IL1R2: variants seen among roughly 807,000 people sequenced by gnomAD.
IL1R2 encodes interleukin-1 receptor type 2.
Under a neutral mutation model 39.5 loss-of-function variants are expected in IL1R2, and 46 were observed. The ratio of observed to expected loss-of-function variants is 1.16; its 90% CI spans 0.92 to 1.49. IL1R2 has a LOEUF of 1.49. IL1R2 is among the 40% of genes most tolerant of loss of function. The pLI, the probability that IL1R2 is intolerant of heterozygous loss-of-function variation, is 0.00. For missense variants in IL1R2, 537 were observed against 502.0 expected (o/e 1.07, Z -0.67); for synonymous variants, 207 against 189.6 (o/e 1.09, Z -0.75).
At position 102,028,251 on chromosome 2, in the gene IL1R2, T is replaced by A. The variant is rs1164232625; in HGVS notation, c.1056T>A (p.Ile352=). The A allele has an allele frequency of 6.2e-7, 1 of 1,610,930 alleles. No individual in the cohort carries two copies. Among genetic ancestry groups the A allele is most frequent in the African/African-American group, 1.3e-5 (1 of 74,896 alleles). The change falls in exon 9 of 9, where the codon ATT becomes ATA. Residue 352 remains isoleucine, a synonymous_variant. Coordinates refer to ENST00000332549, the MANE Select transcript of IL1R2 (RefSeq NM_004633.4). ...KEASSTFSWG[I]VLAPLSLAFL... Reference sequence around the variant, plus strand: ...CCTCCTCCACGTTCTCCTGGGGCATTGTGCTGGCCCCACTTTCACTGGCCT... The same window carrying A: ...CCTCCTCCACGTTCTCCTGGGGCATAGTGCTGGCCCCACTTTCACTGGCCT...
intron 4 of IL1R2, among the ~76,000 whole-genome samples, chr2:102,017,539 A>G (rs892731334): frequency 6.6e-6 from 1 of 152,168 alleles, no homozygotes; most frequent in African/African-American, 2.4e-5. Context: ...TATTGTCATT[A>G]GATATTGCTT....
At chr2:102,013,524 CAA>C (rs771727938) in intron 3 of IL1R2, among the ~76,000 whole-genome samples, 11 of 5,694 alleles carry the variant, frequency 1.9e-3, no homozygotes, top group African/African-American at 3.1e-3. Flanking sequence ...TCTATCACTG[CAA>C]AAAAAAAAAA....
chr2:102,028,323 A>G lies in IL1R2; in HGVS notation c.1128A>G (p.Arg376=), dbSNP rs149138742. 6 of 1,611,618 alleles carry G rather than the reference A, an allele frequency of 3.7e-6. No individual in the cohort carries two copies. The African/African-American group carries it at 8.0e-5, about 22-fold the overall frequency. ...GIWMHRRCKH[R]TGKADGLTVL... is the part of the protein sequence containing the mutation. Reference sequence around the variant, plus strand: ...GGATGCACAGACGGTGCAAACACAGAACTGGAAAAGCAGATGGTCTGACTG... The same window carrying G: ...GGATGCACAGACGGTGCAAACACAGGACTGGAAAAGCAGATGGTCTGACTG... Residue 376 remains arginine (R), a synonymous_variant, in exon 9 of 9, where the codon AGA becomes AGG. Coordinates refer to ENST00000332549, the MANE Select transcript of IL1R2 (RefSeq NM_004633.4).
At chr2:102,025,101 C>T (rs1677651155) in intron 7 of IL1R2, among the ~76,000 whole-genome samples, 1 of 152,106 alleles carries the variant, frequency 6.6e-6, no homozygotes, top group South Asian at 2.1e-4. Flanking sequence ...GCCACAATCT[C>T]TAAGGGAGGT....
intron 1 of IL1R2, among the ~76,000 whole-genome samples, chr2:102,003,715 T>G (rs1170707641): frequency 6.6e-6 from 1 of 151,640 alleles, no homozygotes; most frequent in African/African-American, 2.4e-5. Flanking sequence ...TATGTCTGTG[T>G]CTTTGTCCCC....
rs985146318 is a variant in IL1R2, at chr2:102,009,788, C to T, written c.294C>T (p.Ala98=). Residue 98 remains alanine (A), a synonymous_variant, in exon 3 of 9, where the codon GCC becomes GCT. Coordinates refer to ENST00000332549, the MANE Select transcript of IL1R2 (RefSeq NM_004633.4). ...ACGGTGCTCTGTGGCTTCTGCCAGCCTTGCAGGAGGACTCTGGCACCTACG... is the reference window on the plus strand; with the variant it reads ...ACGGTGCTCTGTGGCTTCTGCCAGCTTTGCAGGAGGACTCTGGCACCTACG... ...AQDGALWLLP[A]LQEDSGTYVC... is the part of the protein sequence containing the mutation. 2 of 1,614,224 alleles carry T rather than the reference C, an allele frequency of 1.2e-6. No homozygotes were observed. Among genetic ancestry groups the T allele is most frequent in the African/African-American group, 2.7e-5 (2 of 75,062 alleles).
At position 102,024,003 on chromosome 2, in the gene IL1R2, C is replaced by T. The variant is rs28385686; in HGVS notation, c.752-530C>T. 3.2e-3 allele frequency among the ~76,000 whole-genome samples: 488 copies of T among 151,642 alleles called. 1 individual carries two copies. The highest frequency in any genetic ancestry group is 5.6e-3 in the Non-Finnish European group (378 of 67,930). ...GGCGGAGCTTGCAGTGAGCCGAGATCGCCCCACCGCACTCCAGCCTGGGCG... is the reference window on the plus strand; with the variant it reads ...GGCGGAGCTTGCAGTGAGCCGAGATTGCCCCACCGCACTCCAGCCTGGGCG... On this transcript the variant is annotated intron_variant, in intron 6 of 8. Transcript: ENST00000332549.
intron 5 of IL1R2, among the ~76,000 whole-genome samples, chr2:102,020,783 G>A (rs1198566946): frequency 6.6e-6 from 1 of 152,178 alleles, no homozygotes. Context: ...GCGATACTGT[G>A]CATGAACACT....
intron 8 of IL1R2, 35 bp from the exon 9 acceptor site, chr2:102,028,191 G>A: frequency 6.4e-7 from 1 of 1,570,888 alleles, no homozygotes; most frequent in South Asian, 1.2e-5. Context: ...GTGAGAGACT[G>A]TTCAGCTCCT....
chr2:102,019,376 G>T (rs114044439), intron 4 of IL1R2, among the ~76,000 whole-genome samples: 1 of 152,128 alleles, frequency 6.6e-6, no homozygotes, highest in South Asian at 2.1e-4. Flanking sequence ...AGAAGAGTTC[G>T]TCTCTTTTTT....
intron 4 of IL1R2, 28 bp downstream of exon 4, chr2:102,016,079 T>C: frequency 6.4e-7 from 1 of 1,564,998 alleles, no homozygotes; most frequent in Non-Finnish European, 8.7e-7. Flanking sequence ...GCCATTTTAC[T>C]AAAATGTGTT....
chr2:102,010,314 AAATTAGTCC>A (rs1676543243), intron 3 of IL1R2: 1 of 155,026 alleles, frequency 6.5e-6, no homozygotes, highest in Non-Finnish European at 1.4e-5. Context: ...CCTTAGGATT[AAATTAGTCC>A]AACACTTTGG....
At chr2:102,024,942 G>T (rs918759792) in intron 7 of IL1R2, 9 of 368,384 alleles carry the variant, frequency 2.4e-5, no homozygotes, top group Admixed American at 1.7e-4. Flanking sequence ...TTTTATTTTC[G>T]CAAGTTAAAA....
At chr2:102,019,099 T>A (rs1677192378) in intron 4 of IL1R2, among the ~76,000 whole-genome samples, 1 of 152,234 alleles carries the variant, frequency 6.6e-6, no homozygotes, top group South Asian at 2.1e-4. Context: ...GATTCTATTC[T>A]GCAGAGACCC....
chr2:101,992,296 C>CAGAG (rs1232846809), intron 1 of IL1R2, among the ~76,000 whole-genome samples: 1 of 122,750 alleles, frequency 8.1e-6, no homozygotes, highest in Non-Finnish European at 1.8e-5. Flanking sequence ...GAGACAGAGA[C>CAGAG]AGAGAGAGAC....
intron 4 of IL1R2, among the ~76,000 whole-genome samples, chr2:102,019,227 C>T (rs1442162296): frequency 6.6e-6 from 1 of 152,182 alleles, no homozygotes; most frequent in Non-Finnish European, 1.5e-5. Flanking sequence ...AAAGTAATTA[C>T]TGCAACGTCA....
Position 102,019,710 on chromosome 2 carries a change from G to T in IL1R2, c.586G>T (p.Asp196Tyr). The T allele has an allele frequency of 6.2e-7, 1 of 1,613,882 alleles. No individual in the cohort carries two copies. Among genetic ancestry groups the T allele is most frequent in the South Asian group, 1.1e-5 (1 of 91,062 alleles). The change falls in exon 5 of 9, where the codon GAT becomes TAT. Residue 196 changes from aspartate (D) to tyrosine (Y), a missense_variant. Coordinates refer to ENST00000332549, the MANE Select transcript of IL1R2 (RefSeq NM_004633.4). ...VRGTTHLLVH[D>Y]VALEDAGYYR... ...GGGGACCACTCACTTACTCGTACAC[G>T]ATGTGGCCCTGGAAGATGCTGGCTA...
intron 3 of IL1R2, among the ~76,000 whole-genome samples, chr2:102,014,264 C>T (rs1233205891): frequency 6.6e-6 from 1 of 152,138 alleles, no homozygotes; most frequent in Non-Finnish European, 1.5e-5. Context: ...TTCTGTACAC[C>T]TACCTTTTTC....
chr2:102,010,618 G>C (rs1676569511), intron 3 of IL1R2, among the ~76,000 whole-genome samples: 2 of 151,680 alleles, frequency 1.3e-5, no homozygotes, highest in South Asian at 4.2e-4. Context: ...TCGTTGTAAG[G>C]ATGAGGGAAC....
Sources: allele counts gnomAD v4.1 joint callset (sites outside exome capture counted in the v4.1 genomes callset), GRCh38; gene constraint gnomAD v4.1.1; transcripts MANE v1.5; gene names NCBI Gene and HGNC (gene_info 2026-07-23, HGNC 2026-07-21).